MMP28: variants seen among roughly 807,000 people sequenced by gnomAD.
MMP28 encodes matrix metalloproteinase-28.
A neutral mutation model predicts 60.5 loss-of-function variants in MMP28; 55 were observed. The ratio of observed to expected loss-of-function variants is 0.91; its 90% CI spans 0.73 to 1.14. MMP28 has a LOEUF of 1.14. Ranked by LOEUF, MMP28 falls within the 50% of genes most tolerant of loss-of-function variation. The probability of loss-of-function intolerance (pLI) is 0.00; values close to 1 mark genes in which losing one functional copy is unlikely to be tolerated. For missense variants in MMP28, 686 were observed against 738.3 expected (o/e 0.93, Z 0.82); for synonymous variants, 318 against 312.5 (o/e 1.02, Z -0.18).
Position 35,766,331 on chromosome 17 carries a change from A to T in MMP28, c.*169T>A. 2.1e-5 allele frequency: 29 copies of T among 1,411,396 alleles called. No homozygotes were observed. Among genetic ancestry groups the T allele is most frequent in the Non-Finnish European group, 2.7e-5 (29 of 1,085,162 alleles). 87.4% of individuals were successfully genotyped at this position (1,411,396 alleles called of 1,614,324 possible). The stretch of plus-strand genomic sequence containing the variant: ...CCATGTGGTGGGGACAGACAAAGAC[A>T]ATGCTGCATTCTTCAAGGAACAAAG... On this transcript the variant is annotated 3_prime_UTR_variant, in exon 8 of 8. Coordinates refer to ENST00000605424, the MANE Select transcript of MMP28 (RefSeq NM_024302.5). The surrounding 1 kb of genome is among the most constrained non-coding windows in gnomAD (Gnocchi z 4.3).
downstream of MMP28, among the ~76,000 whole-genome samples, chr17:35,762,841 A>C (rs1555601750): frequency 6.6e-6 from 1 of 152,130 alleles, no homozygotes; most frequent in East Asian, 1.9e-4. Flanking sequence ...AAATGGGATC[A>C]GTGGCCAGGC....
chr17:35,776,458 G>T (rs1484676929), intron 3 of MMP28, among the ~76,000 whole-genome samples: 3 of 152,114 alleles, frequency 2.0e-5, no homozygotes, highest in Non-Finnish European at 4.4e-5. Flanking sequence ...TTAAAGATGT[G>T]AGCCACTGTG....
At chr17:35,760,149 G>C (rs2085791570) in intron 2 of MMP28, among the ~76,000 whole-genome samples, 1 of 152,140 alleles carries the variant, frequency 6.6e-6, no homozygotes, top group Non-Finnish European at 1.5e-5. Context: ...ATCACTATTA[G>C]ACTGGGCTCT....
Position 35,773,313 on chromosome 17 carries a change from G to C in MMP28, c.471C>G (p.Ala157=). The change falls in exon 4 of 8, where the codon GCC becomes GCG. Residue 157 remains alanine, a synonymous_variant. Coordinates refer to ENST00000605424, the MANE Select transcript of MMP28 (RefSeq NM_024302.5). ...AGACGTTGCTCCACAACTGGAAGGC[G>C]GCGCGCACGGCGCCCCGAACTGCCG... ...PEPAVRGAVR[A]AFQLWSNVSA... The C allele has an allele frequency of 6.2e-7, 1 of 1,613,422 alleles. No individual in the cohort carries two copies. The highest frequency in any genetic ancestry group is 8.5e-7 in the Non-Finnish European group (1 of 1,179,712).
downstream of MMP28, among the ~76,000 whole-genome samples, chr17:35,762,803 A>G: frequency 6.6e-6 from 1 of 152,134 alleles, no homozygotes; most frequent in African/African-American, 2.4e-5. Flanking sequence ...TTCAGAAAAT[A>G]AAATATTCTG....
rs1555608681 is a variant in MMP28 at position 35,779,312 on chromosome 17, C to A, written c.123G>T (p.Glu41Asp). Residue 41 changes from glutamate (E) to aspartate (D), a missense_variant, in exon 2 of 8, where the codon GAG becomes GAT. By Grantham distance (45) the Glu-to-Asp change is conservative. Coordinates refer to ENST00000605424, the MANE Select transcript of MMP28 (RefSeq NM_024302.5). Reference protein sequence around the residue: ...ELRKEAEAFLEKYGYLNEQVP... With the variant: ...ELRKEAEAFLDKYGYLNEQVP... ...CCTGTTCATTGAGGTATCCGTACTT[C>A]TCTAGGAATGCCTGCGGGAGAGAGG... The A allele has an allele frequency of 6.2e-7, 1 of 1,612,670 alleles. No homozygotes were observed.
At position 35,780,601 on chromosome 17, in the gene MMP28, G is replaced by A. The variant is rs112658687; in HGVS notation, c.112-1278C>T. Among the ~76,000 whole-genome samples the A allele has an allele frequency of 7.3e-3, 1,113 of 152,116 alleles. 11 individuals carry two copies. Among genetic ancestry groups the A allele is most frequent in the African/African-American group, 0.025 (1,050 of 41,514 alleles). ...TGTAATCCCAGCACCTTGAGAGGCC[G>A]AGGTGGGCACATCACCTGAGGTCAG... On this transcript the variant is annotated intron_variant, in intron 1 of 7. Transcript: ENST00000605424.
In MMP28 at chr17:35,768,222, C is replaced by A. The variant is rs754490475; in HGVS notation, c.1000+8G>T. The A allele has an allele frequency of 2.5e-6, 4 of 1,594,680 alleles. No individual in the cohort carries two copies. Among genetic ancestry groups the A allele is most frequent in the South Asian group, 1.1e-5 (1 of 89,204 alleles). On this transcript the variant is annotated splice_region_variant and intron_variant, in intron 6 of 7. Transcript: ENST00000605424. ...GAAAGAAGCAAAGCACCAGTGGGAC[C>A]TTCTTACCTACAGTGATGGCATCGA...
At chr17:35,763,362 G>A (rs1452446664), downstream of MMP28, among the ~76,000 whole-genome samples, 1 of 151,102 alleles carries the variant, frequency 6.6e-6, no homozygotes, top group Non-Finnish European at 1.5e-5. Flanking sequence ...CCATAGCCTC[G>A]ACTTCCCTAG....
intron 3 of MMP28, 108 bp from the exon 4 acceptor site, chr17:35,773,512 G>T (rs552306771): frequency 4.1e-6 from 4 of 979,254 alleles, no homozygotes; most frequent in South Asian, 1.6e-5. Flanking sequence ...GCAGCCCCTC[G>T]TCTGACGGGG....
chr17:35,766,772 T>C lies in MMP28; in HGVS notation c.1291A>G (p.Ile431Val). The change falls in exon 8 of 8, where the codon ATC (isoleucine) becomes GTC (valine). Residue 431 changes from isoleucine (I) to valine (V), a missense_variant. Ile to Val is a conservative substitution (Grantham distance 29). Coordinates refer to ENST00000605424, the MANE Select transcript of MMP28 (RefSeq NM_024302.5). This position sits in a 1 kb window ranked among gnomAD's most constrained non-coding sequence, Gnocchi z 4.3. ...ALFFPPLRRL[I>V]LFKGARYYVL... ...TAGTAGCGGGCACCCTTGAAGAGGA[T>C]GAGGCGGCGCAGAGGAGGGAAGAAG... 6.3e-7 allele frequency: 1 copy of C among 1,577,440 alleles called. No individual in the cohort carries two copies. Among genetic ancestry groups the C allele is most frequent in the Non-Finnish European group, 8.6e-7 (1 of 1,162,464 alleles).
At position 35,793,326 on chromosome 17, in the gene MMP28, C is replaced by A. The variant is rs151319457; in HGVS notation, c.111+1941G>T. 3.6e-3 allele frequency among the ~76,000 whole-genome samples: 554 copies of A among 152,270 alleles called. 12 individuals carry two copies. The highest frequency in any genetic ancestry group is 0.034 in the Admixed American group (521 of 15,290). On this transcript the variant is annotated intron_variant, in intron 1 of 7. Transcript: ENST00000605424. ...GCAGAGATATGCCTCTGTTCCCTTG[C>A]GAGGGATTGCCTGGGACCCGCACTT... is the stretch of plus-strand genomic sequence containing the variant.
At chr17:35,771,430 CAAA>C (rs548706247) in intron 4 of MMP28, among the ~76,000 whole-genome samples, 1 of 47,348 alleles carries the variant, frequency 2.1e-5, no homozygotes. Context: ...GACTCTGTCT[CAAA>C]AAAAAAAAAA....
At chr17:35,792,350 G>A (rs1057161202) in intron 1 of MMP28, among the ~76,000 whole-genome samples, 3 of 152,224 alleles carry the variant, frequency 2.0e-5, no homozygotes, top group African/African-American at 7.2e-5. Context: ...CATGTTATAA[G>A]GAAGCCCAAA....
chr17:35,765,882 A>G lies in MMP28; in HGVS notation c.*618T>C. The G allele has an allele frequency of 2.0e-6, 2 of 985,426 alleles. No individual in the cohort carries two copies. Among genetic ancestry groups the G allele is most frequent in the South Asian group, 9.4e-5 (2 of 21,284 alleles). 61.0% of individuals were successfully genotyped at this position (985,426 alleles called of 1,614,324 possible). ...AAGGCTGCTTCCTGCCTCTCGGCCC[A>G]CCAGCTGAAGGCACCTCTTTATTCC... On this transcript the variant is annotated 3_prime_UTR_variant, in exon 8 of 8. Transcript: ENST00000605424.
chr17:35,761,643 C>T (rs759696871), downstream of MMP28, among the ~76,000 whole-genome samples: 3 of 152,150 alleles, frequency 2.0e-5, no homozygotes, highest in Non-Finnish European at 2.9e-5. Flanking sequence ...TTGTCTTCTC[C>T]GGCCTGGACC....
chr17:35,770,275 G>A lies in MMP28; in HGVS notation c.642C>T (p.Gly214=). The A allele has an allele frequency of 1.3e-6, 2 of 1,563,042 alleles. No homozygotes were observed. Among genetic ancestry groups the A allele is most frequent in the Non-Finnish European group, 8.6e-7 (1 of 1,162,504 alleles). The change falls in exon 5 of 8, where the codon GGC becomes GGT. Residue 214 remains glycine, a synonymous_variant. Transcript: ENST00000605424. ...GCTCATCTTGGTCGAAGTGCGCTTC[G>A]CCGCGGCGGGGCAGGAAGGCGTGCG... ...ALAHAFLPRR[G]EAHFDQDERW... is the part of the protein sequence containing the mutation.
rs200237342 is a variant in MMP28 at position 35,768,285 on chromosome 17, G to T, written c.945C>A (p.Arg315=). ...AGTATTTAGGGCCCTGCGTTTCAGG[G>T]CGCCTTCCTTGGGGGCTGTAGGAGT... is the stretch of plus-strand genomic sequence containing the variant. ...TWDSYSPQGR[R]PETQGPKYCH... is the part of the protein sequence containing the mutation. The change falls in exon 6 of 8, where the codon CGC becomes CGA. Residue 315 remains arginine, a synonymous_variant. Transcript: ENST00000605424. 5.1e-5 allele frequency: 83 copies of T among 1,613,312 alleles called. No homozygotes were observed. In the African/African-American group the frequency reaches 1.0e-3, roughly 20 times the overall value.
chr17:35,791,917 C>G (rs1267901868), intron 1 of MMP28, among the ~76,000 whole-genome samples: 1 of 152,158 alleles, frequency 6.6e-6, no homozygotes, highest in African/African-American at 2.4e-5. Flanking sequence ...TAGCTCCCTC[C>G]TCTGTGACGC....
Sources: allele counts gnomAD v4.1 joint callset (sites outside exome capture counted in the v4.1 genomes callset), GRCh38; gene constraint gnomAD v4.1.1; non-coding constraint Gnocchi (gnomAD v3.1); transcripts MANE v1.5; gene names NCBI Gene and HGNC (gene_info 2026-07-23, HGNC 2026-07-21).